The following UBE2E2 variants were observed in gnomAD, a reference collection of about 807,000 sequenced individuals.
UBE2E2 encodes ubiquitin conjugating enzyme E2 E2.
A neutral mutation model predicts 24.7 loss-of-function variants in UBE2E2; 6 were observed. That is an observed-to-expected ratio of 0.24 (90% CI 0.13 to 0.48). The LOEUF (loss-of-function observed/expected upper bound fraction) is 0.48. Among genes scored for constraint, UBE2E2 ranks in the 20% least tolerant of loss-of-function variants. UBE2E2 has a pLI of 0.99. For synonymous variants in UBE2E2, 104 were observed against 83.6 expected (o/e 1.24, Z -1.33); for missense variants, 169 against 245.0 (o/e 0.69, Z 2.07).
In UBE2E2 at chr3:23,428,592, T is replaced by A. The variant is rs374243730; in HGVS notation, c.228-71016T>A. The stretch of plus-strand genomic sequence containing the variant: ...GAAACAGGAAATCACAGAAAATCAA[T>A]GATCTCAAAAGCTGGTTCTTTGAAA... On this transcript the variant is annotated intron_variant, in intron 3 of 5. Transcript: ENST00000396703. Among the ~76,000 whole-genome samples the A allele has an allele frequency of 3.1e-4, 47 of 152,220 alleles. No homozygotes were observed. In the East Asian group the frequency reaches 7.5e-3, roughly 24 times the overall value.
chr3:23,269,150 C>T (rs1019665776), intron 3 of UBE2E2, among the ~76,000 whole-genome samples: 21 of 152,118 alleles, frequency 1.4e-4, no homozygotes, highest in Admixed American at 3.3e-4. Context: ...TGGGCAAGGA[C>T]TTCATGTCTA....
At chr3:23,404,306 A>T (rs1697303937) in intron 3 of UBE2E2, among the ~76,000 whole-genome samples, 1 of 152,194 alleles carries the variant, frequency 6.6e-6, no homozygotes, top group Non-Finnish European at 1.5e-5. Flanking sequence ...TAGTATTTTT[A>T]ACTGTTGCTC....
At chr3:23,580,527 C>T (rs1168620403) in intron 5 of UBE2E2, among the ~76,000 whole-genome samples, 1 of 152,350 alleles carries the variant, frequency 6.6e-6, no homozygotes, top group Non-Finnish European at 1.5e-5. Context: ...AGTATAAACA[C>T]GCACTGGGAA....
At chr3:23,379,107 T>C (rs972015200) in intron 3 of UBE2E2, among the ~76,000 whole-genome samples, 10 of 152,150 alleles carry the variant, frequency 6.6e-5, no homozygotes, top group African/African-American at 2.4e-4. Context: ...GACTGTCTTG[T>C]GAGATTGAAT....
intron 3 of UBE2E2, among the ~76,000 whole-genome samples, chr3:23,431,772 A>G (rs1698067498): frequency 6.6e-6 from 1 of 152,194 alleles, no homozygotes; most frequent in Non-Finnish European, 1.5e-5. Context: ...CTATACGTAG[A>G]AATATCTTCC....
intron 3 of UBE2E2, among the ~76,000 whole-genome samples, chr3:23,459,160 G>C (rs2125423550): frequency 6.6e-6 from 1 of 152,248 alleles, no homozygotes; most frequent in South Asian, 2.1e-4. Flanking sequence ...TGTTTTCAAA[G>C]CCTGCCAAAT....
intron 4 of UBE2E2, among the ~76,000 whole-genome samples, chr3:23,501,057 C>T (rs1288739453): frequency 1.3e-5 from 2 of 152,046 alleles, no homozygotes; most frequent in African/African-American, 4.8e-5. Flanking sequence ...GACCCTTATA[C>T]CTTCCTTTTC....
chr3:23,240,778 C>A (rs2125337889), intron 3 of UBE2E2, among the ~76,000 whole-genome samples: 1 of 152,236 alleles, frequency 6.6e-6, no homozygotes. Flanking sequence ...TAACTTGGGT[C>A]AAAATTATTA....
intron 3 of UBE2E2, among the ~76,000 whole-genome samples, chr3:23,499,154 A>G (rs1241996882): frequency 6.6e-6 from 1 of 152,202 alleles, no homozygotes; most frequent in Non-Finnish European, 1.5e-5. Flanking sequence ...AAAGAAAGGA[A>G]GATTCAGATG....
intron 5 of UBE2E2, among the ~76,000 whole-genome samples, chr3:23,550,290 C>T (rs909471958): frequency 7.2e-5 from 11 of 152,128 alleles, no homozygotes; most frequent in African/African-American, 2.4e-4. Context: ...TTATTCCCAG[C>T]ACCTATAATG....
Position 23,583,092 on chromosome 3 carries a change from A to T in UBE2E2, c.509-6642A>T, listed in dbSNP as rs1419215022. Among the ~76,000 whole-genome samples, 6 of 151,912 alleles carry T rather than the reference A, an allele frequency of 3.9e-5. No homozygotes were observed. Among genetic ancestry groups the T allele is most frequent in the Admixed American group, 3.9e-4 (6 of 15,234 alleles). Reference sequence around the variant, plus strand: ...ACATTTAAGTCTTTAATCCATCTTGAGTTGATTTTTGGATGTGGTGTAAGG... The same window carrying T: ...ACATTTAAGTCTTTAATCCATCTTGTGTTGATTTTTGGATGTGGTGTAAGG... On this transcript the variant is annotated intron_variant, in intron 5 of 5. Coordinates refer to ENST00000396703, the MANE Select transcript of UBE2E2 (RefSeq NM_152653.4). This position sits in a 1 kb window ranked among gnomAD's most constrained non-coding sequence, Gnocchi z 4.1.
chr3:23,320,438 G>A (rs1423087777), intron 3 of UBE2E2, among the ~76,000 whole-genome samples: 1 of 152,100 alleles, frequency 6.6e-6, no homozygotes, highest in Non-Finnish European at 1.5e-5. Context: ...GAATAATTCA[G>A]TTGGTACATG....
chr3:23,328,821 C>G (rs1372986299), intron 3 of UBE2E2, among the ~76,000 whole-genome samples: 1 of 152,082 alleles, frequency 6.6e-6, no homozygotes. Context: ...GCCACCATGC[C>G]CGGCTGATTT....
intron 3 of UBE2E2, among the ~76,000 whole-genome samples, chr3:23,459,636 A>C (rs1169176065): frequency 6.6e-6 from 1 of 152,140 alleles, no homozygotes; most frequent in Non-Finnish European, 1.5e-5. Flanking sequence ...TAACCTTTCT[A>C]TTGCTCTGAG....
intron 4 of UBE2E2, among the ~76,000 whole-genome samples, chr3:23,526,155 A>G (rs567549965): frequency 1.7e-4 from 26 of 152,336 alleles, no homozygotes; most frequent in Admixed American, 3.9e-4. Flanking sequence ...GCATTTAAAT[A>G]GGAAGTAGCA....
At chr3:23,350,265 A>T (rs1328522022) in intron 3 of UBE2E2, among the ~76,000 whole-genome samples, 2 of 152,226 alleles carry the variant, frequency 1.3e-5, no homozygotes, top group Non-Finnish European at 2.9e-5. Context: ...CCAAAAGTAG[A>T]TAAAACCACA....
At chr3:23,294,343 G>C (rs1453059542) in intron 3 of UBE2E2, among the ~76,000 whole-genome samples, 1 of 151,992 alleles carries the variant, frequency 6.6e-6, no homozygotes, top group East Asian at 1.9e-4. Flanking sequence ...AATGTATCTT[G>C]TATATATGGT....
intron 3 of UBE2E2, among the ~76,000 whole-genome samples, chr3:23,296,142 G>A (rs6792462): frequency 0.33 from 50,800 of 151,810 alleles, 8,715 homozygotes; most frequent in South Asian, 0.38. Context: ...GCTGATATTT[G>A]AATTGGAGAC....
chr3:23,527,721 A>G (rs1296238695), intron 4 of UBE2E2, among the ~76,000 whole-genome samples: 3 of 152,138 alleles, frequency 2.0e-5, no homozygotes, highest in Non-Finnish European at 2.9e-5. Context: ...TGAAGCCTCC[A>G]TAAAACCCCT....
Sources: allele counts gnomAD v4.1 joint callset (sites outside exome capture counted in the v4.1 genomes callset), GRCh38; gene constraint gnomAD v4.1.1; non-coding constraint Gnocchi (gnomAD v3.1); transcripts MANE v1.5; gene names NCBI Gene and HGNC (gene_info 2026-07-23, HGNC 2026-07-21).